ANKS1B: variants seen among roughly 807,000 people sequenced by gnomAD.
The protein encoded by ANKS1B is ankyrin repeat and sterile alpha motif domain-containing protein 1B.
A neutral mutation model predicts 148.3 loss-of-function variants in ANKS1B; 36 were observed. The observed-to-expected ratio is 0.24, with a 90% CI of 0.19 to 0.32. The LOEUF is 0.32. Among genes scored for constraint, ANKS1B ranks in the 10% least tolerant of loss-of-function variants. The pLI is 1.00. For synonymous variants in ANKS1B, 542 were observed against 560.8 expected (o/e 0.97, Z 0.47); for missense variants, 1,157 against 1,542.6 (o/e 0.75, Z 4.19).
At chr12:99,571,925 TAAAC>T (rs995441028) in intron 9 of ANKS1B, among the ~76,000 whole-genome samples, 2 of 152,124 alleles carry the variant, frequency 1.3e-5, no homozygotes, top group Admixed American at 6.5e-5. Flanking sequence ...ACCCCCCAAA[TAAAC>T]AAACAAACAA....
At chr12:99,918,202 T>C (rs1481627143) in intron 1 of ANKS1B, among the ~76,000 whole-genome samples, 1 of 152,194 alleles carries the variant, frequency 6.6e-6, no homozygotes, top group Non-Finnish European at 1.5e-5. Flanking sequence ...CATTACACGA[T>C]GTTCTGTCCC....
At chr12:99,552,683 A>G (rs2097233347) in intron 9 of ANKS1B, among the ~76,000 whole-genome samples, 1 of 152,206 alleles carries the variant, frequency 6.6e-6, no homozygotes, top group Non-Finnish European at 1.5e-5. Context: ...GCTGTCCCTC[A>G]GTATCCATGG....
chr12:99,165,234 AG>A (rs1268028022), intron 14 of ANKS1B, among the ~76,000 whole-genome samples: 2 of 152,006 alleles, frequency 1.3e-5, no homozygotes, highest in Non-Finnish European at 2.9e-5. Context: ...GAAAGTAAGA[AG>A]AAAGATAACT....
intron 12 of ANKS1B, among the ~76,000 whole-genome samples, chr12:99,326,105 G>C (rs191288112): frequency 5.9e-5 from 9 of 152,058 alleles, no homozygotes; most frequent in Admixed American, 5.9e-4. Context: ...GAGGGAAATT[G>C]CTCCCACGAT....
In ANKS1B at chr12:99,404,614, GAA is replaced by G. The variant is rs2094489943; in HGVS notation, c.1576-4805_1576-4804del. 1.4e-5 allele frequency among the ~76,000 whole-genome samples: 2 copies of G among 144,674 alleles called. 1 individual carries two copies. Among genetic ancestry groups the G allele is most frequent in the Non-Finnish European group, 3.0e-5 (2 of 65,608 alleles). The allele number at this position is 144,674 out of a possible 152,430, so 94.9% of individuals were successfully genotyped here. ...AAATATATAGTCAGAGAAGACAAAA[GAA>G]AAAAGAATAAAAAAGAATGAATCAT... On this transcript the variant is annotated intron_variant, in intron 11 of 26. Transcript: ENST00000683438.
chr12:99,322,190 C>T (rs112924215), intron 12 of ANKS1B, among the ~76,000 whole-genome samples: 1 of 152,060 alleles, frequency 6.6e-6, no homozygotes, highest in Non-Finnish European at 1.5e-5. Flanking sequence ...AAAAATGAGA[C>T]TATGTCCTTA....
In ANKS1B at chr12:98,934,586, T is replaced by C. The variant is rs548494473; in HGVS notation, c.2779-102450A>G. Reference sequence around the variant, plus strand: ...ATGAACATTTCAATAATATTAGATCTTCCAATCCATGAACATTTGATATCT... The same window carrying C: ...ATGAACATTTCAATAATATTAGATCCTCCAATCCATGAACATTTGATATCT... On this transcript the variant is annotated intron_variant, in intron 17 of 26. Coordinates refer to ENST00000683438, the MANE Select transcript of ANKS1B (RefSeq NM_001352186.2). Among the ~76,000 whole-genome samples, 21 of 152,264 alleles carry C rather than the reference T, an allele frequency of 1.4e-4. 1 individual carries two copies. The South Asian group carries it at 3.3e-3, about 24-fold the overall frequency.
At chr12:99,573,843 A>G (rs1457498151) in intron 9 of ANKS1B, among the ~76,000 whole-genome samples, 3 of 152,080 alleles carry the variant, frequency 2.0e-5, no homozygotes, top group African/African-American at 4.8e-5. Flanking sequence ...AGTGAAGTCA[A>G]TACGTCCACC....
intron 9 of ANKS1B, among the ~76,000 whole-genome samples, chr12:99,549,274 G>T (rs1455169051): frequency 6.6e-6 from 1 of 152,186 alleles, no homozygotes; most frequent in Non-Finnish European, 1.5e-5. Flanking sequence ...CAGTAAGCGT[G>T]ATGGCAGAAG....
intron 9 of ANKS1B, chr12:99,648,267 A>G (rs759123630): frequency 6.2e-7 from 1 of 1,614,210 alleles, no homozygotes; most frequent in African/African-American, 1.3e-5. Flanking sequence ...TGCAGCGGCA[A>G]CTGTACAAAG....
intron 9 of ANKS1B, among the ~76,000 whole-genome samples, chr12:99,524,816 G>A (rs1424102485): frequency 6.6e-6 from 1 of 152,124 alleles, no homozygotes; most frequent in African/African-American, 2.4e-5. Flanking sequence ...CCTACCATGA[G>A]AACAGTATTG....
chr12:99,040,481 G>A (rs182454672), intron 17 of ANKS1B, among the ~76,000 whole-genome samples: 6 of 152,218 alleles, frequency 3.9e-5, no homozygotes, highest in African/African-American at 1.2e-4. Context: ...GAAAGACTGC[G>A]GATGTTCATT....
chr12:98,839,256 A>G (rs574711921), intron 17 of ANKS1B, among the ~76,000 whole-genome samples: 35 of 152,320 alleles, frequency 2.3e-4, no homozygotes, highest in South Asian at 6.2e-4. Flanking sequence ...ATGTTATGCA[A>G]TTTGTGAGCC....
intron 9 of ANKS1B, among the ~76,000 whole-genome samples, chr12:99,565,410 T>A (rs749349948): frequency 3.3e-5 from 5 of 152,114 alleles, no homozygotes; most frequent in Admixed American, 1.3e-4. Context: ...CCTATAATGG[T>A]AGGATAGGCA....
chr12:98,810,181 C>T (rs753033227), intron 19 of ANKS1B, among the ~76,000 whole-genome samples: 4 of 152,358 alleles, frequency 2.6e-5, no homozygotes, highest in Non-Finnish European at 5.9e-5. Flanking sequence ...GATTCAGTAA[C>T]TTTATCCAAA....
intron 22 of ANKS1B, among the ~76,000 whole-genome samples, chr12:98,787,205 C>T (rs766558403): frequency 8.4e-4 from 128 of 152,136 alleles, no homozygotes; most frequent in Non-Finnish European, 1.6e-3. Flanking sequence ...TGTGGGATTA[C>T]AAGAGATAAA....
intron 10 of ANKS1B, among the ~76,000 whole-genome samples, chr12:99,451,198 T>C (rs975565349): frequency 2.0e-5 from 3 of 152,238 alleles, no homozygotes; most frequent in African/African-American, 7.2e-5. Context: ...TATTAATTAT[T>C]CATTATGAAT....
At chr12:98,957,903 A>T (rs1263422647) in intron 17 of ANKS1B, among the ~76,000 whole-genome samples, 5 of 152,142 alleles carry the variant, frequency 3.3e-5, no homozygotes, top group Non-Finnish European at 5.9e-5. Flanking sequence ...ACACTTCCTA[A>T]TCTGCCCTCA....
chr12:99,745,320 A>C (rs773257788), intron 8 of ANKS1B, among the ~76,000 whole-genome samples: 10 of 152,348 alleles, frequency 6.6e-5, no homozygotes, highest in African/African-American at 2.2e-4. Context: ...AATGAGAAGC[A>C]TAAGAACAGT....
Sources: gnomAD v4.1 joint callset for allele counts (sites outside exome capture counted in the v4.1 genomes callset) on GRCh38, gnomAD v4.1.1 for gene constraint, MANE v1.5 for transcripts, NCBI Gene and HGNC (gene_info 2026-07-23, HGNC 2026-07-21) for gene names.